Variants in EYS observed in about 807,000 individuals in gnomAD.
The protein encoded by EYS is EGF-like photoreceptor maintenance factor, also known as protein eyes shut homolog.
In EYS, 250 loss-of-function variants were observed where a neutral mutation model predicts 282.1. That is an observed-to-expected ratio of 0.89 (90% CI 0.80 to 0.98). The LOEUF (loss-of-function observed/expected upper bound fraction) is 0.98, where lower values mean the gene tolerates loss of function less well. Ranked by LOEUF, EYS falls within the 50% of genes least tolerant of loss-of-function variation. The pLI is 0.00. For missense variants in EYS, 4,016 were observed against 3,709.0 expected (o/e 1.08, Z -2.15); for synonymous variants, 1,355 against 1,282.9 (o/e 1.06, Z -1.20).
At chr6:64,424,252 A>G (rs1008265001) in intron 28 of EYS, among the ~76,000 whole-genome samples, 4 of 152,202 alleles carry the variant, frequency 2.6e-5, no homozygotes, top group African/African-American at 9.6e-5. Context: ...ATGCACACAG[A>G]TATAAAACAT....
intron 24 of EYS, among the ~76,000 whole-genome samples, chr6:64,616,149 C>T (rs999715299): frequency 1.3e-5 from 2 of 151,974 alleles, no homozygotes; most frequent in East Asian, 1.9e-4. Flanking sequence ...TAGATTCCTA[C>T]GTATCTAAGG....
intron 12 of EYS, among the ~76,000 whole-genome samples, chr6:65,120,166 A>C (rs1242600643): frequency 6.7e-6 from 1 of 150,194 alleles, no homozygotes; most frequent in East Asian, 1.9e-4. Flanking sequence ...AAAAAAAAAA[A>C]CAAAAACAAA....
chr6:64,322,721 A>T (rs1014343812), intron 29 of EYS, among the ~76,000 whole-genome samples: 1 of 152,076 alleles, frequency 6.6e-6, no homozygotes, highest in Non-Finnish European at 1.5e-5. Context: ...ATTTGAAGCT[A>T]TGTTTCTAAA....
At chr6:64,851,637 G>A (rs1233005060) in intron 19 of EYS, among the ~76,000 whole-genome samples, 1 of 152,116 alleles carries the variant, frequency 6.6e-6, no homozygotes, top group Admixed American at 6.6e-5. Context: ...ATGAGATCGT[G>A]TCCTTTTCTG....
intron 26 of EYS, among the ~76,000 whole-genome samples, chr6:64,589,650 T>A (rs1327420097): frequency 6.6e-6 from 1 of 152,076 alleles, no homozygotes; most frequent in Admixed American, 6.6e-5. Context: ...AATTCACAGA[T>A]ATTATCTCCT....
intron 1 of EYS, among the ~76,000 whole-genome samples, chr6:65,662,455 A>G (rs1052013712): frequency 3.3e-5 from 5 of 152,186 alleles, no homozygotes; most frequent in Non-Finnish European, 7.4e-5. Flanking sequence ...CAAGGGAGAC[A>G]TCGATGTTAA....
chr6:64,904,331 G>A (rs748093142), intron 16 of EYS, among the ~76,000 whole-genome samples: 17 of 152,146 alleles, frequency 1.1e-4, no homozygotes, highest in Admixed American at 4.6e-4. Flanking sequence ...TACGCTAGGT[G>A]TTGTATCCTC....
At chr6:63,923,188 G>T (rs1446840444) in intron 35 of EYS, among the ~76,000 whole-genome samples, 1 of 152,054 alleles carries the variant, frequency 6.6e-6, no homozygotes. Flanking sequence ...TATTTTTTTA[G>T]TGTGTTAATT....
At chr6:63,808,692 T>C (rs1412306153) in intron 36 of EYS, among the ~76,000 whole-genome samples, 1 of 152,180 alleles carries the variant, frequency 6.6e-6, no homozygotes, top group Non-Finnish European at 1.5e-5. Flanking sequence ...AGTTTGAGAA[T>C]AATAATGAAG....
chr6:64,685,303 TA>T (rs5876915), intron 22 of EYS, among the ~76,000 whole-genome samples: 112,758 of 151,514 alleles, frequency 0.74, 42,094 homozygotes, highest in Middle Eastern at 0.8. Context: ...ATACTTGATT[TA>T]AAAAAAATCT....
chr6:65,012,302 A>G (rs1286284204), intron 13 of EYS, among the ~76,000 whole-genome samples: 2 of 152,214 alleles, frequency 1.3e-5, no homozygotes, highest in Non-Finnish European at 2.9e-5. Context: ...CTTTTTCAAC[A>G]AAGCAACATT....
At chr6:64,107,493 C>T (rs1478747275) in intron 31 of EYS, among the ~76,000 whole-genome samples, 2 of 151,466 alleles carry the variant, frequency 1.3e-5, no homozygotes, top group African/African-American at 4.9e-5. Context: ...CTAGGCCAGT[C>T]TCTTTCTCAC....
intron 22 of EYS, among the ~76,000 whole-genome samples, chr6:64,666,632 G>T (rs902045648): frequency 1.3e-5 from 2 of 152,088 alleles, no homozygotes; most frequent in Non-Finnish European, 2.9e-5. Flanking sequence ...AGAAATCAAT[G>T]TTATTTATAA....
chr6:65,612,246 ATATT>A (rs1306080265), intron 2 of EYS, among the ~76,000 whole-genome samples: 2 of 150,898 alleles, frequency 1.3e-5, no homozygotes, highest in African/African-American at 4.9e-5. Flanking sequence ...TATATCATAT[ATATT>A]TATTATGTAT....
intron 26 of EYS, among the ~76,000 whole-genome samples, chr6:64,544,555 C>T (rs1022047360): frequency 1.3e-5 from 2 of 151,934 alleles, no homozygotes; most frequent in Non-Finnish European, 2.9e-5. Flanking sequence ...TTTAAGAATA[C>T]CCTTCAAAAA....
chr6:64,388,887 CATTT>C, intron 28 of EYS, 47 bp from the exon 29 acceptor site: 1 of 1,160,830 alleles, frequency 8.6e-7, no homozygotes, highest in Non-Finnish European at 1.2e-6. Flanking sequence ...GTCATATAAA[CATTT>C]ATCTGACAAA....
chr6:64,830,072 T>G (rs917642418), intron 19 of EYS, among the ~76,000 whole-genome samples: 1 of 151,892 alleles, frequency 6.6e-6, no homozygotes, highest in Non-Finnish European at 1.5e-5. Flanking sequence ...ACCCCTAAAG[T>G]GATGATTAGG....
intron 2 of EYS, among the ~76,000 whole-genome samples, chr6:65,563,582 T>TA (rs1769148353): frequency 6.6e-6 from 1 of 151,914 alleles, no homozygotes; most frequent in Admixed American, 6.6e-5. Flanking sequence ...CAGTTTTTTT[T>TA]ATCTAAAGAA....
intron 2 of EYS, among the ~76,000 whole-genome samples, chr6:65,519,292 TTG>T (rs559514333): frequency 3.3e-5 from 5 of 150,244 alleles, no homozygotes; most frequent in Admixed American, 6.7e-5. Context: ...CTGTGTGTGT[TTG>T]TGTGTGTGTG....
Sources: gnomAD v4.1 joint callset for allele counts (sites outside exome capture counted in the v4.1 genomes callset) on GRCh38, gnomAD v4.1.1 for gene constraint, MANE v1.5 for transcripts, NCBI Gene and HGNC (gene_info 2026-07-23, HGNC 2026-07-21) for gene names.